The following DSTN variants were observed in gnomAD, a reference collection of about 807,000 sequenced individuals.
DSTN encodes the protein destrin.
Under a neutral mutation model 16.8 loss-of-function variants are expected in DSTN, and 10 were observed. That is an observed-to-expected ratio of 0.60 (90% confidence interval 0.37 to 1.01). The LOEUF is 1.01. Ranked by LOEUF, DSTN falls within the 50% of genes least tolerant of loss-of-function variation. DSTN has a pLI of 0.01. For synonymous variants in DSTN, 57 were observed against 58.9 expected (o/e 0.97, Z 0.14); for missense variants, 141 against 196.7 (o/e 0.72, Z 1.69).
At chr20:17,588,679 G>C (rs948455576) in intron 1 of DSTN, among the ~76,000 whole-genome samples, 1 of 152,172 alleles carries the variant, frequency 6.6e-6, no homozygotes, top group Non-Finnish European at 1.5e-5. Flanking sequence ...AGCTACTTGG[G>C]AGGCTGAGGC....
At chr20:17,585,630 T>C (rs572216974) in intron 1 of DSTN, among the ~76,000 whole-genome samples, 1 of 152,132 alleles carries the variant, frequency 6.6e-6, no homozygotes, top group South Asian at 2.1e-4. Context: ...TTGACACATA[T>C]ATATGTACAC....
At chr20:17,595,935 T>A (rs2035522110) in intron 1 of DSTN, among the ~76,000 whole-genome samples, 3 of 152,234 alleles carry the variant, frequency 2.0e-5, no homozygotes, top group Admixed American at 2.0e-4. Context: ...CAATCTTCCC[T>A]TTTTTCTTCA....
intron 1 of DSTN, among the ~76,000 whole-genome samples, chr20:17,571,754 A>G (rs1361774925): frequency 6.6e-6 from 1 of 152,254 alleles, no homozygotes; most frequent in Non-Finnish European, 1.5e-5. Context: ...TTTGAAAATA[A>G]GAGACCAAAC....
chr20:17,574,865 C>CTT (rs1354147534), intron 1 of DSTN, among the ~76,000 whole-genome samples: 228 of 64,124 alleles, frequency 3.6e-3, no homozygotes, highest in African/African-American at 4.2e-3. Flanking sequence ...CTTTTCTTTT[C>CTT]TTTTGTTTTT....
chr20:17,600,956 G>C lies in DSTN; in HGVS notation c.222G>C (p.Met74Ile). The C allele has an allele frequency of 6.2e-7, 1 of 1,614,056 alleles. No individual in the cohort carries two copies. The highest frequency in any genetic ancestry group is 8.5e-7 in the Non-Finnish European group (1 of 1,179,962). The change falls in exon 2 of 4, where the codon ATG becomes ATC. Residue 74 changes from methionine to isoleucine, a missense_variant. Met to Ile is a conservative substitution (Grantham distance 10, BLOSUM62 1). Transcript: ENST00000246069. ...ITDPFKHFVGMLPEKDCRYAL... is the reference protein window; with the variant it reads ...ITDPFKHFVGILPEKDCRYAL... ...ATCCTTTCAAGCATTTTGTGGGAAT[G>C]CTTCCTGAAAAAGATTGTCGCTATG... is the stretch of plus-strand genomic sequence containing the variant.
In DSTN at chr20:17,595,299, A is replaced by C. The variant is rs2035514420; in HGVS notation, c.4-5439A>C. ...GGAGGAGTGCCCTCAAACCCATCCT[A>C]CTCCTCCTGCCTTATACTTCACAGA... is the stretch of plus-strand genomic sequence containing the variant. On this transcript the variant is annotated intron_variant, in intron 1 of 3. Transcript: ENST00000246069. 4.0e-5 allele frequency among the ~76,000 whole-genome samples: 6 copies of C among 151,506 alleles called. No individual in the cohort carries two copies. In the South Asian group the frequency reaches 1.2e-3, roughly 31 times the overall value.
intron 1 of DSTN, among the ~76,000 whole-genome samples, chr20:17,577,008 C>CA (rs1418597520): frequency 1.3e-5 from 2 of 152,222 alleles, no homozygotes; most frequent in Non-Finnish European, 2.9e-5. Context: ...CATCTCACCT[C>CA]ATGCGACAAG....
chr20:17,604,492 A>AGTT, intron 2 of DSTN, 63 bp from the exon 3 acceptor site: 1 of 1,499,052 alleles, frequency 6.7e-7, no homozygotes, highest in South Asian at 1.2e-5. Context: ...GCAAATGTTT[A>AGTT]ACAAGTTGCA....
intron 1 of DSTN, among the ~76,000 whole-genome samples, chr20:17,591,757 AT>A (rs1425746729): frequency 2.0e-5 from 3 of 152,242 alleles, no homozygotes; most frequent in Non-Finnish European, 2.9e-5. Context: ...AACAAATTTA[AT>A]TCAGAGATAA....
intron 1 of DSTN, 22 bp downstream of exon 1, chr20:17,570,233 G>T (rs1568726599): frequency 6.7e-7 from 1 of 1,501,082 alleles, no homozygotes; most frequent in Non-Finnish European, 8.9e-7. Flanking sequence ...GGAGGCCGAG[G>T]CGTGGGCCGA....
chr20:17,571,337 TG>T (rs1293856266), intron 1 of DSTN, among the ~76,000 whole-genome samples: 1 of 152,258 alleles, frequency 6.6e-6, no homozygotes, highest in Non-Finnish European at 1.5e-5. Context: ...CTGTTTTCAC[TG>T]TATAACAGTT....
chr20:17,595,001 C>T (rs1291371631), intron 1 of DSTN, among the ~76,000 whole-genome samples: 1 of 152,168 alleles, frequency 6.6e-6, no homozygotes, highest in Non-Finnish European at 1.5e-5. Context: ...AATGTAAAGA[C>T]TAGAAGCTCA....
At chr20:17,587,288 A>G (rs1173089931) in intron 1 of DSTN, among the ~76,000 whole-genome samples, 1 of 151,036 alleles carries the variant, frequency 6.6e-6, no homozygotes, top group South Asian at 2.1e-4. Flanking sequence ...TTTTTTTGAG[A>G]CAGGGTCTTG....
Position 17,607,286 on chromosome 20 carries a change from A to G in DSTN, c.*140A>G. On this transcript the variant is annotated 3_prime_UTR_variant, in exon 4 of 4. Coordinates refer to ENST00000246069, the MANE Select transcript of DSTN (RefSeq NM_006870.4). ...TTTTAGAGTAAACTATTCTATAAAC[A>G]TATGCAAACAGCCCTAAATAAATCT... The G allele has an allele frequency of 3.3e-6, 2 of 608,580 alleles. No homozygotes were observed. The highest frequency in any genetic ancestry group is 5.4e-6 in the Non-Finnish European group (2 of 373,102). The allele number at this position is 608,580 out of a possible 1,614,324, so 37.7% of individuals were successfully genotyped here.
intron 1 of DSTN, among the ~76,000 whole-genome samples, chr20:17,574,866 T>TTTTCTTTTC (rs2035257518): frequency 9.0e-6 from 1 of 111,416 alleles, no homozygotes; most frequent in African/African-American, 4.0e-5. Context: ...TTTTCTTTTC[T>TTTTCTTTTC]TTTGTTTTTT....
chr20:17,574,587 G>A (rs372317587), intron 1 of DSTN, among the ~76,000 whole-genome samples: 11 of 151,874 alleles, frequency 7.2e-5, no homozygotes, highest in Non-Finnish European at 1.5e-4. Flanking sequence ...ATAGCTGGGC[G>A]TGGTGGCACG....
chr20:17,589,737 C>T (rs1333232915), intron 1 of DSTN, among the ~76,000 whole-genome samples: 1 of 152,170 alleles, frequency 6.6e-6, no homozygotes, highest in African/African-American at 2.4e-5. Context: ...GTTTTTAACT[C>T]CCTAACTCCT....
intron 1 of DSTN, among the ~76,000 whole-genome samples, chr20:17,571,252 C>T (rs2035203707): frequency 6.6e-6 from 1 of 152,212 alleles, no homozygotes; most frequent in Admixed American, 6.5e-5. Flanking sequence ...GTAGCCTTAC[C>T]AGACTTTGCT....
At chr20:17,606,896 T>C in intron 3 of DSTN, 141 bp from the exon 4 acceptor site, 1 of 647,510 alleles carries the variant, frequency 1.5e-6, no homozygotes. Flanking sequence ...TTATTTTTTC[T>C]CGTTACTGTG....
Sources: gnomAD v4.1 joint callset for allele counts (sites outside exome capture counted in the v4.1 genomes callset) on GRCh38, gnomAD v4.1.1 for gene constraint, MANE v1.5 for transcripts, NCBI Gene and HGNC (gene_info 2026-07-23, HGNC 2026-07-21) for gene names.